HOMER1: variants seen among roughly 807,000 people sequenced by gnomAD.
HOMER1 encodes the protein homer protein homolog 1.
In HOMER1, 3 loss-of-function variants were observed where a neutral mutation model predicts 48.9. The ratio of observed to expected loss-of-function variants is 0.06; its 90% CI spans 0.03 to 0.16. The LOEUF is 0.16. HOMER1 is among the 10% of genes least tolerant of loss of function. The probability of loss-of-function intolerance (pLI) is 1.00; values close to 1 mark genes in which losing one functional copy is unlikely to be tolerated. For synonymous variants in HOMER1, 134 were observed against 146.4 expected, an observed-to-expected ratio of 0.92 and a Z score of 0.61; for missense variants, 247 against 411.4, an observed-to-expected ratio of 0.60 and a Z score of 3.46.
At chr5:79,379,932 G>A (rs1310154794) in intron 8 of HOMER1, among the ~76,000 whole-genome samples, 3 of 152,190 alleles carry the variant, frequency 2.0e-5, no homozygotes, top group Non-Finnish European at 4.4e-5. Context: ...AAAGGTGGGA[G>A]AGGATTCAAG....
chr5:79,379,120 TA>T (rs1748869948), intron 8 of HOMER1, among the ~76,000 whole-genome samples: 1 of 92,828 alleles, frequency 1.1e-5, no homozygotes, highest in African/African-American at 4.7e-5. Flanking sequence ...ATATAAAATA[TA>T]TAAATATTTA....
At chr5:79,500,959 G>GACACACATAC (rs779298030) in intron 1 of HOMER1, among the ~76,000 whole-genome samples, 1 of 129,950 alleles carries the variant, frequency 7.7e-6, no homozygotes, top group Non-Finnish European at 1.5e-5. Flanking sequence ...GTGTGAGACA[G>GACACACATAC]ACAGACACAC....
At chr5:79,500,927 TTGTGTGTGTG>T (rs367742665) in intron 1 of HOMER1, among the ~76,000 whole-genome samples, 4 of 124,324 alleles carry the variant, frequency 3.2e-5, no homozygotes, top group African/African-American at 1.5e-4. Flanking sequence ...ACCCAGCCAT[TTGTGTGTGTG>T]TGTGTGTGTG....
chr5:79,463,169 A>G lies in HOMER1; in HGVS notation c.6-6151T>C, dbSNP rs138305879. On this transcript the variant is annotated intron_variant, in intron 1 of 8. Coordinates refer to ENST00000334082, the MANE Select transcript of HOMER1 (RefSeq NM_004272.5). ...AACTGTTCTTCCTTGCTGCTCCCCAACAAACCTCAGATACTCTACCCTCTT... is the reference window on the plus strand; with the variant it reads ...AACTGTTCTTCCTTGCTGCTCCCCAGCAAACCTCAGATACTCTACCCTCTT... Among the ~76,000 whole-genome samples, 596 of 152,288 alleles carry G rather than the reference A, an allele frequency of 3.9e-3. 3 individuals are homozygous for G. The highest frequency in any genetic ancestry group is 0.013 in the African/African-American group (552 of 41,562).
Position 79,375,750 on chromosome 5 carries a change from T to C in HOMER1, c.*259A>G. The C allele has an allele frequency of 6.5e-6, 2 of 309,072 alleles. No individual in the cohort carries two copies. Among genetic ancestry groups the C allele is most frequent in the Non-Finnish European group, 1.2e-5 (2 of 170,138 alleles). The allele number at this position is 309,072 out of a possible 1,614,324, so 19.1% of individuals were successfully genotyped here. On this transcript the variant is annotated 3_prime_UTR_variant, in exon 9 of 9. Transcript: ENST00000334082. ...CATTAAGTGTCTATTTATAACTTTC[T>C]AGTTAACTATGGCCAATAATATACA...
intron 5 of HOMER1, among the ~76,000 whole-genome samples, chr5:79,410,317 C>T (rs1203927774): frequency 2.0e-5 from 3 of 151,670 alleles, no homozygotes; most frequent in Admixed American, 6.6e-5. Flanking sequence ...CATGGAGAAA[C>T]CACGTCTCTA....
chr5:79,431,818 G>A (rs1750433909), intron 5 of HOMER1, among the ~76,000 whole-genome samples: 1 of 152,172 alleles, frequency 6.6e-6, no homozygotes, highest in Non-Finnish European at 1.5e-5. Context: ...AAGGAAGGCA[G>A]TCCCTGGAGA....
intron 1 of HOMER1, among the ~76,000 whole-genome samples, chr5:79,487,895 T>C (rs1256537131): frequency 3.3e-5 from 5 of 152,326 alleles, no homozygotes; most frequent in East Asian, 3.9e-4. Context: ...TGGAATTTAC[T>C]TTAAAATAAT....
chr5:79,393,295 G>A (rs6895195), intron 8 of HOMER1, among the ~76,000 whole-genome samples: 28,273 of 152,002 alleles, frequency 0.19, 3,595 homozygotes, highest in East Asian at 0.41. Context: ...AAATACCTGG[G>A]ATGGGGTGTG....
intron 5 of HOMER1, among the ~76,000 whole-genome samples, chr5:79,422,750 AAGGAT>A (rs1210938123): frequency 3.3e-5 from 5 of 152,030 alleles, no homozygotes; most frequent in Non-Finnish European, 5.9e-5. Context: ...TGGAAGTACT[AAGGAT>A]AGTGTTCACT....
At chr5:79,443,843 C>T (rs983382064) in intron 4 of HOMER1, among the ~76,000 whole-genome samples, 1 of 152,156 alleles carries the variant, frequency 6.6e-6, no homozygotes, top group Non-Finnish European at 1.5e-5. Context: ...TGTGTCGTTA[C>T]CATACTTATT....
intron 1 of HOMER1, among the ~76,000 whole-genome samples, chr5:79,473,101 T>C (rs1751667849): frequency 1.3e-5 from 2 of 152,154 alleles, no homozygotes; most frequent in African/African-American, 4.8e-5. Context: ...AGATAAAAAT[T>C]CCTAACTGGT....
At chr5:79,507,189 G>T (rs181833258) in intron 1 of HOMER1, among the ~76,000 whole-genome samples, 1 of 143,736 alleles carries the variant, frequency 7.0e-6, no homozygotes, top group African/African-American at 2.6e-5. Flanking sequence ...CTCCAGCCTG[G>T]GTGACAGAGT....
chr5:79,500,142 G>A (rs1316058441), intron 1 of HOMER1, among the ~76,000 whole-genome samples: 1 of 152,146 alleles, frequency 6.6e-6, no homozygotes, highest in African/African-American at 2.4e-5. Context: ...TATCTCTGTA[G>A]CTATACCAGC....
intron 4 of HOMER1, among the ~76,000 whole-genome samples, chr5:79,439,627 A>G (rs2112276682): frequency 6.6e-6 from 1 of 152,210 alleles, no homozygotes; most frequent in African/African-American, 2.4e-5. Context: ...TGAAATTTGC[A>G]ACACGTTTTA....
At chr5:79,446,971 C>A in intron 4 of HOMER1, 82 bp downstream of exon 4, 1 of 893,770 alleles carries the variant, frequency 1.1e-6, no homozygotes, top group Non-Finnish European at 1.8e-6. Flanking sequence ...TCTGTGTGTA[C>A]TTTGGAGATT....
chr5:79,453,966 A>C (rs1751095445), intron 2 of HOMER1, among the ~76,000 whole-genome samples: 1 of 152,182 alleles, frequency 6.6e-6, no homozygotes, highest in Non-Finnish European at 1.5e-5. Context: ...AAAAGTAATT[A>C]GAAAATGGAA....
At chr5:79,489,196 A>G (rs1362131976) in intron 1 of HOMER1, among the ~76,000 whole-genome samples, 1 of 152,218 alleles carries the variant, frequency 6.6e-6, no homozygotes, top group Non-Finnish European at 1.5e-5. Context: ...CACTATGAGG[A>G]TTCAGGAGAG....
At chr5:79,379,284 TTA>T (rs1299326247) in intron 8 of HOMER1, among the ~76,000 whole-genome samples, 13 of 90,046 alleles carry the variant, frequency 1.4e-4, no homozygotes, top group East Asian at 5.1e-4. Flanking sequence ...TATATATCTA[TTA>T]TATATATTAA....
Sources: allele counts gnomAD v4.1 joint callset (sites outside exome capture counted in the v4.1 genomes callset), GRCh38; gene constraint gnomAD v4.1.1; transcripts MANE v1.5; gene names NCBI Gene and HGNC (gene_info 2026-07-23, HGNC 2026-07-21).